Variants in SLIT2 observed in about 807,000 individuals in gnomAD.
SLIT2 encodes the protein slit guidance ligand 2.
In SLIT2, 41 loss-of-function variants were observed where a neutral mutation model predicts 185.7. The observed-to-expected ratio is 0.22, with a 90% CI of 0.17 to 0.29. The LOEUF (loss-of-function observed/expected upper bound fraction) is 0.29, where lower values mean the gene tolerates loss of function less well. Among genes scored for constraint, SLIT2 ranks in the 10% least tolerant of loss-of-function variants. The pLI, the probability that SLIT2 is intolerant of heterozygous loss-of-function variation, is 1.00. For missense variants in SLIT2, 1,571 were observed against 1,909.0 expected (o/e 0.82, Z 3.30); for synonymous variants, 693 against 680.2 (o/e 1.02, Z -0.29).
chr4:20,306,556 A>T (rs377369405), intron 4 of SLIT2, among the ~76,000 whole-genome samples: 12 of 152,172 alleles, frequency 7.9e-5, no homozygotes, highest in African/African-American at 2.9e-4. Context: ...AAGCCAGGTA[A>T]TCCATTGAGT....
At chr4:20,290,900 C>A (rs1715742009) in intron 4 of SLIT2, among the ~76,000 whole-genome samples, 1 of 151,968 alleles carries the variant, frequency 6.6e-6, no homozygotes, top group Non-Finnish European at 1.5e-5. Context: ...TTCTGTGTCC[C>A]TAGCTTAAAT....
chr4:20,549,846 C>T (rs1483609736), intron 24 of SLIT2, among the ~76,000 whole-genome samples: 1 of 151,916 alleles, frequency 6.6e-6, no homozygotes, highest in East Asian at 1.9e-4. Flanking sequence ...GGAACCAGAA[C>T]TGATTCAATC....
chr4:20,504,855 C>T (rs987097620), intron 9 of SLIT2, among the ~76,000 whole-genome samples: 4 of 152,064 alleles, frequency 2.6e-5, no homozygotes, highest in Non-Finnish European at 4.4e-5. Flanking sequence ...AGAGAGACCA[C>T]ATTCACATAA....
At chr4:20,447,338 AC>A (rs1283138464) in intron 4 of SLIT2, among the ~76,000 whole-genome samples, 2 of 152,170 alleles carry the variant, frequency 1.3e-5, no homozygotes, top group African/African-American at 4.8e-5. Flanking sequence ...CAAGGATCAC[AC>A]AGATGCATTG....
rs1347591639 is a variant in SLIT2, at chr4:20,402,303, A to T, written c.396-65449A>T. ...AGTGCACCTAAGAAAATTAAGTGGC[A>T]GTCATTTATTAAGCCAGAATAAAAA... On this transcript the variant is annotated intron_variant, in intron 4 of 36. Coordinates refer to ENST00000504154, the MANE Select transcript of SLIT2 (RefSeq NM_004787.4). Among the ~76,000 whole-genome samples the T allele has an allele frequency of 2.0e-5, 3 of 151,942 alleles. No individual in the cohort carries two copies. The Admixed American group carries it at 2.0e-4, about 10-fold the overall frequency.
At chr4:20,568,239 A>G (rs1725267176) in intron 28 of SLIT2, among the ~76,000 whole-genome samples, 1 of 152,114 alleles carries the variant, frequency 6.6e-6, no homozygotes, top group South Asian at 2.1e-4. Flanking sequence ...TAGAAGAAAT[A>G]GACTTCACTG....
At chr4:20,419,137 C>A (rs1727953487) in intron 4 of SLIT2, among the ~76,000 whole-genome samples, 1 of 152,124 alleles carries the variant, frequency 6.6e-6, no homozygotes, top group African/African-American at 2.4e-5. Flanking sequence ...GTAAATAGTG[C>A]AGTATAGTAA....
intron 33 of SLIT2, among the ~76,000 whole-genome samples, chr4:20,602,745 T>G (rs1728503637): frequency 6.6e-6 from 1 of 152,190 alleles, no homozygotes; most frequent in Non-Finnish European, 1.5e-5. Context: ...TGTCTTCTCA[T>G]ATCCAAGTTC....
chr4:20,589,724 C>A lies in SLIT2; in HGVS notation c.3169C>A (p.Pro1057Thr). 4.3e-6 allele frequency: 7 copies of A among 1,613,308 alleles called. No homozygotes were observed. The highest frequency in any genetic ancestry group is 3.3e-4 in the Middle Eastern group (2 of 6,058). ...CQHDSKCILT[P>T]KGFKCDCTPG... The stretch of plus-strand genomic sequence containing the variant: ...GCACGATTCAAAGTGCATCCTAACT[C>A]CAAAGGGATTCAAGTAAGTCAAAAG... Residue 1057 changes from proline (P) to threonine (T), a missense_variant, in exon 30 of 37, where the codon CCA becomes ACA. By Grantham distance (38) the Pro-to-Thr change is conservative (BLOSUM62 -1). Transcript: ENST00000504154.
rs372531830 is a variant in SLIT2, at chr4:20,312,470, A to C, written c.395+43589A>C. 4.6e-5 allele frequency among the ~76,000 whole-genome samples: 7 copies of C among 152,258 alleles called. No individual in the cohort carries two copies. In the South Asian group the frequency reaches 1.4e-3, roughly 31 times the overall value. Reference sequence around the variant, plus strand: ...TTTTGTAGTTATAAGTAAAATTAAAATATATATTAAAGAAAACATATGGCT... The same window carrying C: ...TTTTGTAGTTATAAGTAAAATTAAACTATATATTAAAGAAAACATATGGCT... On this transcript the variant is annotated intron_variant, in intron 4 of 36. Coordinates refer to ENST00000504154, the MANE Select transcript of SLIT2 (RefSeq NM_004787.4).
intron 4 of SLIT2, among the ~76,000 whole-genome samples, chr4:20,464,056 C>T (rs1031710434): frequency 1.3e-5 from 2 of 152,028 alleles, no homozygotes; most frequent in Non-Finnish European, 2.9e-5. Context: ...GTTCTTCATG[C>T]ATCCCTAATA....
At chr4:20,295,532 A>G (rs999774618) in intron 4 of SLIT2, among the ~76,000 whole-genome samples, 19 of 152,188 alleles carry the variant, frequency 1.2e-4, no homozygotes, top group African/African-American at 4.6e-4. Context: ...TGAAGGGCAG[A>G]TGACCGTCAG....
At chr4:20,279,154 C>T (rs1247291723) in intron 4 of SLIT2, among the ~76,000 whole-genome samples, 3 of 152,156 alleles carry the variant, frequency 2.0e-5, no homozygotes, top group South Asian at 4.2e-4. Context: ...GACAGTTACT[C>T]TAAGTCATTT....
intron 4 of SLIT2, among the ~76,000 whole-genome samples, chr4:20,381,551 T>C (rs1724515284): frequency 1.3e-5 from 2 of 152,184 alleles, no homozygotes; most frequent in South Asian, 4.1e-4. Context: ...AATTTAGAAA[T>C]ATGTTACTTA....
At chr4:20,309,457 T>A (rs1332902943) in intron 4 of SLIT2, among the ~76,000 whole-genome samples, 3 of 152,080 alleles carry the variant, frequency 2.0e-5, no homozygotes, top group Admixed American at 2.0e-4. Flanking sequence ...ATTTCTCTTA[T>A]TTTTTTAACT....
chr4:20,495,232 A>G (rs142110834), intron 9 of SLIT2, among the ~76,000 whole-genome samples: 42 of 152,352 alleles, frequency 2.8e-4, no homozygotes, highest in African/African-American at 1.0e-3. Flanking sequence ...TTTGAAAAAG[A>G]CAATTGTTGC....
chr4:20,314,739 G>A (rs1329499356), intron 4 of SLIT2, among the ~76,000 whole-genome samples: 8 of 151,900 alleles, frequency 5.3e-5, no homozygotes, highest in African/African-American at 1.5e-4. Context: ...AACAATATAA[G>A]GGAAATTGAA....
At chr4:20,477,356 G>A (rs1444721611) in intron 5 of SLIT2, among the ~76,000 whole-genome samples, 1 of 151,944 alleles carries the variant, frequency 6.6e-6, no homozygotes, top group African/African-American at 2.4e-5. Flanking sequence ...CCACCGCCAC[G>A]CCTGGCTAAT....
chr4:20,544,012 C>T (rs906819415), intron 21 of SLIT2, among the ~76,000 whole-genome samples: 2 of 151,668 alleles, frequency 1.3e-5, no homozygotes, highest in Non-Finnish European at 2.9e-5. Context: ...CATCACACAC[C>T]GGGGCCTGTC....
Sources: allele counts gnomAD v4.1 joint callset (sites outside exome capture counted in the v4.1 genomes callset), GRCh38; gene constraint gnomAD v4.1.1; transcripts MANE v1.5; gene names NCBI Gene and HGNC (gene_info 2026-07-23, HGNC 2026-07-21).